ALG12: variants seen among roughly 807,000 people sequenced by gnomAD.
ALG12 encodes dol-P-Man:Man(7)GlcNAc(2)-PP-Dol alpha-1,6-mannosyltransferase.
Under a neutral mutation model 46.0 loss-of-function variants are expected in ALG12, and 36 were observed. That is an observed-to-expected ratio of 0.78 (90% confidence interval 0.60 to 1.03). The LOEUF is 1.03. ALG12 is among the 50% of genes least tolerant of loss of function. The pLI is 0.00. For synonymous variants in ALG12, 326 were observed against 291.6 expected (o/e 1.12, Z -1.20); for missense variants, 599 against 633.5 (o/e 0.95, Z 0.58).
chr22:49,904,450 C>T lies in ALG12; in HGVS notation c.1049G>A (p.Gly350Glu), dbSNP rs1322666401. The change falls in exon 8 of 10, where the codon GGA (glycine) becomes GAA (glutamate). Residue 350 changes from glycine (G) to glutamate (E), a missense_variant. Gly to Glu is a moderately conservative substitution (Grantham distance 98). Coordinates refer to ENST00000330817, the MANE Select transcript of ALG12 (RefSeq NM_024105.4). ...GTAGGCGGCATTCACCACGAGGTGT[C>T]CGATCACAAGCAGAGACCCCGCTTT... ...LYKAGSLLVIGHLVVNAAYSA... is the reference protein window; with the variant it reads ...LYKAGSLLVIEHLVVNAAYSA... The T allele has an allele frequency of 6.2e-7, 1 of 1,614,176 alleles. No individual in the cohort carries two copies. The highest frequency in any genetic ancestry group is 8.5e-7 in the Non-Finnish European group (1 of 1,180,036).
At chr22:49,883,567 GA>G in the ALG12 span, 1 of 1,418,838 alleles carries the variant, frequency 7.0e-7, no homozygotes. Context: ...GAATTATGAC[GA>G]AAAAGTGAAG....
intron 9 of ALG12, 44 bp downstream of exon 9, chr22:49,904,135 C>T: frequency 1.2e-6 from 2 of 1,614,160 alleles, no homozygotes; most frequent in African/African-American, 1.3e-5. Flanking sequence ...CCCAAGGGGC[C>T]CTCACATGGC....
At chr22:49,884,752 C>T in the ALG12 span, 10 of 1,593,686 alleles carry the variant, frequency 6.3e-6, no homozygotes, top group Non-Finnish European at 8.6e-6. Flanking sequence ...TTCCTTGCTG[C>T]CGCCGGAGGG....
rs774255042 is a variant in ALG12, at chr22:49,904,009, GAT to G, written c.1294_1295del (p.Ile432ProfsTer252). ...GGAGCCCAGGGGCCGCCTCCATGAG[GAT>G]GTGTGTGTATGCCAGCATGCCTGTC... ...PGTGMLAYTHILMEAAPGLLA... is the reference protein window; with the variant it reads ...PGTGMLAYTHXLMEAAPGLLA... On this transcript the variant is annotated frameshift_variant, in exon 10 of 10. Coordinates refer to ENST00000330817, the MANE Select transcript of ALG12 (RefSeq NM_024105.4). LOFTEE classifies it low-confidence loss of function (END_TRUNC). 2.5e-6 allele frequency: 4 copies of G among 1,614,190 alleles called. No individual in the cohort carries two copies. Among genetic ancestry groups the G allele is most frequent in the Non-Finnish European group, 3.4e-6 (4 of 1,180,014 alleles).
downstream of ALG12, among the ~76,000 whole-genome samples, chr22:49,899,770 A>T (rs1394160885): frequency 6.6e-6 from 1 of 152,094 alleles, no homozygotes; most frequent in East Asian, 1.9e-4. Flanking sequence ...GACCACAGAG[A>T]GGACAGCAGC....
the ALG12 span, among the ~76,000 whole-genome samples, chr22:49,891,972 T>C: frequency 6.6e-6 from 1 of 152,188 alleles, no homozygotes; most frequent in Non-Finnish European, 1.5e-5. Flanking sequence ...AAAATATATT[T>C]TTAAAAAGAG....
the ALG12 span, among the ~76,000 whole-genome samples, chr22:49,862,224 G>C: frequency 0.92 from 140,478 of 152,338 alleles, 64,877 homozygotes; most frequent in African/African-American, 0.98. Context: ...AACCTATACG[G>C]AGCGGCCCCA....
chr22:49,892,171 G>C, the ALG12 span, among the ~76,000 whole-genome samples: 3 of 111,038 alleles, frequency 2.7e-5, no homozygotes, highest in Non-Finnish European at 5.0e-5. Flanking sequence ...CTGGGCGACA[G>C]AGCAAGACTC....
rs1474718831 is a variant in ALG12 at position 49,908,065 on chromosome 22, C to T, written c.769-121G>A. ...GTGCTGAGAGATGCAGCCTGGACCA[C>T]GGCTCGTGTGCACAGACACCACTCA... On this transcript the variant is annotated intron_variant, in intron 6 of 9. Transcript: ENST00000330817. 24 of 993,794 alleles carry T rather than the reference C, an allele frequency of 2.4e-5. No individual in the cohort carries two copies. In the East Asian group the frequency reaches 4.4e-4, roughly 18 times the overall value. The allele number at this position is 993,794 out of a possible 1,614,324, so 61.6% of individuals were successfully genotyped here.
Position 49,906,509 on chromosome 22 carries a change from T to C in ALG12, c.992+1212A>G, listed in dbSNP as rs1470807672. 6.6e-6 allele frequency among the ~76,000 whole-genome samples: 1 copy of C among 152,018 alleles called. No homozygotes were observed. Among genetic ancestry groups the C allele is most frequent in the Non-Finnish European group, 1.5e-5 (1 of 67,980 alleles). On this transcript the variant is annotated intron_variant, in intron 7 of 9. Transcript: ENST00000330817. The surrounding 1 kb of genome is among the most constrained non-coding windows in gnomAD (Gnocchi z 4.4). ...GAACAGTCACGGCAGCCAGAGGAGC[T>C]CCCAGGCCCGAGGGCAGTGCGGGGC... is the stretch of plus-strand genomic sequence containing the variant.
the ALG12 span, chr22:49,886,506 C>T: frequency 5.1e-6 from 8 of 1,567,588 alleles, no homozygotes; most frequent in Admixed American, 1.8e-5. This position sits in a 1 kb window ranked among gnomAD's most constrained non-coding sequence, Gnocchi z 7.7. Context: ...GGGAGATGAG[C>T]ACGCAGATGT....
the ALG12 span, among the ~76,000 whole-genome samples, chr22:49,877,764 G>A: frequency 6.6e-6 from 1 of 152,020 alleles, no homozygotes; most frequent in Non-Finnish European, 1.5e-5. Context: ...CCATCCTGCA[G>A]GTGGCATGGA....
the ALG12 span, among the ~76,000 whole-genome samples, chr22:49,860,140 C>T: frequency 6.6e-6 from 1 of 151,680 alleles, no homozygotes; most frequent in East Asian, 1.9e-4. Flanking sequence ...TTTACAAAAA[C>T]ATACAGAAAT....
chr22:49,912,022 C>T (rs1230030796), intron 3 of ALG12, among the ~76,000 whole-genome samples: 3 of 151,574 alleles, frequency 2.0e-5, no homozygotes, highest in Non-Finnish European at 3.0e-5. Flanking sequence ...GCCTCGGCCA[C>T]GGGATCACCC....
rs1020312533 is a variant in ALG12 at position 49,906,011 on chromosome 22, A to G, written c.993-1505T>C. ...GCCCTGGGCCCTGACACCGTGGGAA[A>G]CGGCCTGCTCTTGCTCCCAGGGTGG... On this transcript the variant is annotated intron_variant, in intron 7 of 9. Coordinates refer to ENST00000330817, the MANE Select transcript of ALG12 (RefSeq NM_024105.4). This position sits in a 1 kb window ranked among gnomAD's most constrained non-coding sequence, Gnocchi z 4.4. Among the ~76,000 whole-genome samples, 1 of 152,138 alleles carries G rather than the reference A, an allele frequency of 6.6e-6. No individual in the cohort carries two copies. Among genetic ancestry groups the G allele is most frequent in the Non-Finnish European group, 1.5e-5 (1 of 68,018 alleles).
In ALG12 at chr22:49,901,825, G is replaced by C. The variant is rs555351298; in HGVS notation, c.*2013C>G. 1 of 134,536 alleles carries C rather than the reference G, an allele frequency of 7.4e-6. No homozygotes were observed. The highest frequency in any genetic ancestry group is 2.2e-4 in the East Asian group (1 of 4,576). The allele number at this position is 134,536 out of a possible 1,614,324, so 8.3% of individuals were successfully genotyped here. ...TGCATGGTGTGTGCACGTGTGCACT[G>C]TGTGTATGCATGGTGTGTGCACGTG... On this transcript the variant is annotated 3_prime_UTR_variant, in exon 10 of 10. Coordinates refer to ENST00000330817, the MANE Select transcript of ALG12 (RefSeq NM_024105.4).
the ALG12 span, among the ~76,000 whole-genome samples, chr22:49,862,669 C>T: frequency 1.4e-5 from 2 of 147,306 alleles, no homozygotes; most frequent in African/African-American, 5.1e-5. Flanking sequence ...AACTGAGTAC[C>T]TCTAAATATT....
At chr22:49,910,209 A>G in intron 4 of ALG12, 121 bp from the exon 5 acceptor site, 2 of 1,278,808 alleles carry the variant, frequency 1.6e-6, no homozygotes, top group Non-Finnish European at 2.1e-6. Flanking sequence ...TATCCCAGAA[A>G]AGAAACTGCT....
At chr22:49,912,426 G>A (rs890493983) in intron 3 of ALG12, among the ~76,000 whole-genome samples, 1 of 152,202 alleles carries the variant, frequency 6.6e-6, no homozygotes, top group Non-Finnish European at 1.5e-5. Flanking sequence ...GGAATTGCCT[G>A]TGGACTTCCT....
Sources: allele counts gnomAD v4.1 joint callset (sites outside exome capture counted in the v4.1 genomes callset), GRCh38; gene constraint gnomAD v4.1.1; non-coding constraint Gnocchi (gnomAD v3.1); transcripts MANE v1.5; gene names NCBI Gene and HGNC (gene_info 2026-07-23, HGNC 2026-07-21).